Variants in PRKCE observed in about 807,000 individuals in gnomAD.
PRKCE encodes protein kinase C epsilon.
A neutral mutation model predicts 85.4 loss-of-function variants in PRKCE; 16 were observed. That is an observed-to-expected ratio of 0.19 (90% CI 0.13 to 0.28). PRKCE has a LOEUF of 0.28. Ranked by LOEUF, PRKCE falls within the 10% of genes least tolerant of loss-of-function variation. The probability of loss-of-function intolerance (pLI) is 1.00; values close to 1 mark genes in which losing one functional copy is unlikely to be tolerated. For synonymous variants in PRKCE, 388 were observed against 371.5 expected (o/e 1.04, Z -0.51); for missense variants, 573 against 975.2 (o/e 0.59, Z 5.49).
intron 14 of PRKCE, among the ~76,000 whole-genome samples, chr2:46,181,213 G>T (rs576618656): frequency 1.6e-4 from 25 of 152,312 alleles, no homozygotes; most frequent in Admixed American, 3.9e-4. Flanking sequence ...ATGCTGTGCT[G>T]CCTACATACC....
At chr2:45,709,924 C>T (rs535274608) in intron 1 of PRKCE, among the ~76,000 whole-genome samples, 1 of 152,290 alleles carries the variant, frequency 6.6e-6, no homozygotes, top group Admixed American at 6.5e-5. Context: ...ATTCTCATGC[C>T]TCAGCCTCCT....
At chr2:46,031,282 C>T (rs1050257512) in intron 10 of PRKCE, among the ~76,000 whole-genome samples, 8 of 152,154 alleles carry the variant, frequency 5.3e-5, no homozygotes, top group South Asian at 2.1e-4. Flanking sequence ...CTGCTGTCTT[C>T]GATCTCACTG....
chr2:45,852,517 T>C (rs1692354676), intron 2 of PRKCE, among the ~76,000 whole-genome samples: 1 of 152,084 alleles, frequency 6.6e-6, no homozygotes, highest in Non-Finnish European at 1.5e-5. Flanking sequence ...CAAACAAAGA[T>C]GAAAAAGACA....
At chr2:45,829,738 T>C (rs1226131321) in intron 1 of PRKCE, among the ~76,000 whole-genome samples, 1 of 152,060 alleles carries the variant, frequency 6.6e-6, no homozygotes, top group Non-Finnish European at 1.5e-5. Flanking sequence ...AACCATATGC[T>C]CCCCACTGTC....
At chr2:45,949,399 CTTGT>C (rs1558874083) in intron 2 of PRKCE, among the ~76,000 whole-genome samples, 2 of 93,392 alleles carry the variant, frequency 2.1e-5, no homozygotes, top group African/African-American at 9.3e-5. Flanking sequence ...ATTTATTTTG[CTTGT>C]TTTTTTTTTT....
chr2:45,700,291 C>T (rs1678523418), intron 1 of PRKCE, among the ~76,000 whole-genome samples: 1 of 151,762 alleles, frequency 6.6e-6, no homozygotes, highest in Non-Finnish European at 1.5e-5. Flanking sequence ...AAGTAACCCC[C>T]AAAGAAATGG....
chr2:45,945,061 G>A (rs946033578), intron 2 of PRKCE, among the ~76,000 whole-genome samples: 2 of 151,722 alleles, frequency 1.3e-5, no homozygotes, highest in Non-Finnish European at 2.9e-5. Context: ...AAACTTTCTC[G>A]CATTAGGCAG....
intron 2 of PRKCE, among the ~76,000 whole-genome samples, chr2:45,894,863 C>T (rs1282423135): frequency 2.6e-5 from 4 of 152,192 alleles, no homozygotes; most frequent in African/African-American, 9.7e-5. Flanking sequence ...GTTGGGATTA[C>T]AGGTGCCCAC....
chr2:45,852,424 G>C (rs753202896), intron 2 of PRKCE, among the ~76,000 whole-genome samples: 2 of 152,178 alleles, frequency 1.3e-5, no homozygotes, highest in Non-Finnish European at 2.9e-5. Context: ...TCCATAATTA[G>C]TTAATTACTT....
chr2:45,803,292 G>C (rs561546771), intron 1 of PRKCE, among the ~76,000 whole-genome samples: 1 of 152,320 alleles, frequency 6.6e-6, no homozygotes, highest in East Asian at 1.9e-4. Flanking sequence ...TTCACACCAC[G>C]AAATAATACA....
intron 1 of PRKCE, among the ~76,000 whole-genome samples, chr2:45,752,662 G>A (rs1683673486): frequency 1.3e-5 from 2 of 152,098 alleles, no homozygotes; most frequent in Non-Finnish European, 2.9e-5. Context: ...CAGGGCCTTG[G>A]TTTTCCAGCA....
At chr2:45,783,553 T>C (rs1420512269) in intron 1 of PRKCE, among the ~76,000 whole-genome samples, 2 of 152,270 alleles carry the variant, frequency 1.3e-5, no homozygotes, top group Admixed American at 1.3e-4. Context: ...GCAGGTTTTT[T>C]ATACCTTATG....
chr2:46,076,290 G>A (rs1322886345), intron 10 of PRKCE, among the ~76,000 whole-genome samples: 1 of 152,144 alleles, frequency 6.6e-6, no homozygotes, highest in East Asian at 1.9e-4. Context: ...CATTTGTGCT[G>A]TCATATCATG....
At chr2:46,033,677 G>T (rs6544869) in intron 10 of PRKCE, among the ~76,000 whole-genome samples, 1 of 151,948 alleles carries the variant, frequency 6.6e-6, no homozygotes, top group African/African-American at 2.4e-5. Flanking sequence ...GACTGGATTT[G>T]AAAAAGATCT....
intron 10 of PRKCE, among the ~76,000 whole-genome samples, chr2:46,075,045 C>A (rs1668434402): frequency 6.6e-6 from 1 of 152,234 alleles, no homozygotes; most frequent in African/African-American, 2.4e-5. Context: ...AAATCTTTTT[C>A]TTTTTCTTGT....
At chr2:45,864,739 C>T (rs62127217) in intron 2 of PRKCE, among the ~76,000 whole-genome samples, 12,544 of 152,214 alleles carry the variant, frequency 0.082, 618 homozygotes, top group South Asian at 0.21. Context: ...TAATTGTTTG[C>T]GTGGGAGCCC....
intron 11 of PRKCE, among the ~76,000 whole-genome samples, chr2:46,122,525 G>A (rs970674673): frequency 1.2e-4 from 18 of 152,188 alleles, no homozygotes; most frequent in African/African-American, 2.4e-5. Flanking sequence ...ACTGCACCCA[G>A]CCCACTTATA....
rs981272288 is a variant in PRKCE, at chr2:45,820,126, G to A, written c.349-22874G>A. On this transcript the variant is annotated intron_variant, in intron 1 of 14. Transcript: ENST00000306156. ...GAATCCTCAATGGGATTTTCCAGAC[G>A]AAGGTAATGGAAACATCACGGCGCA... Among the ~76,000 whole-genome samples, 34 of 152,174 alleles carry A rather than the reference G, an allele frequency of 2.2e-4. 1 individual carries two copies. The highest frequency in any genetic ancestry group is 2.2e-3 in the Admixed American group (33 of 15,280).
At chr2:45,861,898 A>G (rs1220675554) in intron 2 of PRKCE, among the ~76,000 whole-genome samples, 3 of 152,154 alleles carry the variant, frequency 2.0e-5, no homozygotes, top group Non-Finnish European at 4.4e-5. Flanking sequence ...GGTTTTGAAA[A>G]TAAATGGTTA....
Sources: allele counts gnomAD v4.1 joint callset (sites outside exome capture counted in the v4.1 genomes callset), GRCh38; gene constraint gnomAD v4.1.1; transcripts MANE v1.5; gene names NCBI Gene and HGNC (gene_info 2026-07-23, HGNC 2026-07-21).